Variants in KCNG1 observed in about 807,000 individuals in gnomAD.
The protein encoded by KCNG1 is voltage-gated potassium channel regulatory subunit KCNG1.
In KCNG1, 17 loss-of-function variants were observed where a neutral mutation model predicts 32.4. The ratio of observed to expected loss-of-function variants is 0.52; its 90% CI spans 0.36 to 0.79. The LOEUF (loss-of-function observed/expected upper bound fraction) is 0.79. Among genes scored for constraint, KCNG1 ranks in the 30% least tolerant of loss-of-function variants. KCNG1 has a pLI of 0.00. For synonymous variants in KCNG1, 358 were observed against 339.9 expected, an observed-to-expected ratio of 1.05 and a Z score of -0.59; for missense variants, 441 against 735.2, an observed-to-expected ratio of 0.60 and a Z score of 4.63.
Position 51,009,783 on chromosome 20 carries a change from C to G in KCNG1, c.556G>C (p.Asp186His). ...FAEMVEREEE[D>H]DALDSEGRDS... ...CGGCCCTCGCTGTCCAGCGCGTCGTCCTCTTCCTCCCGCTCCACCATCTCC... is the reference window on the plus strand; with the variant it reads ...CGGCCCTCGCTGTCCAGCGCGTCGTGCTCTTCCTCCCGCTCCACCATCTCC... Residue 186 changes from aspartate (D) to histidine (H), a missense_variant, in exon 2 of 3, where the codon GAC becomes CAC. By Grantham distance (81) the Asp-to-His change is moderately conservative. This residue lies in a region of KCNG1 where 52 missense variants were observed against 50.3 expected (regional missense o/e 1.03). Transcript: ENST00000371571. The G allele has an allele frequency of 1.2e-6, 2 of 1,611,880 alleles. No homozygotes were observed. Among genetic ancestry groups the G allele is most frequent in the African/African-American group, 1.3e-5 (1 of 75,056 alleles).
intron 2 of KCNG1, chr20:51,006,741 AG>A (rs1987842997): frequency 6.6e-6 from 1 of 152,296 alleles, no homozygotes; most frequent in South Asian, 2.1e-4. Flanking sequence ...CATGTTGGTC[AG>A]GCTGGTCTCG....
intron 1 of KCNG1, among the ~76,000 whole-genome samples, chr20:51,016,893 C>A (rs1002810526): frequency 2.6e-5 from 4 of 152,168 alleles, no homozygotes; most frequent in Non-Finnish European, 5.9e-5. Context: ...AGAGGGTATG[C>A]GGGCTGGCCT....
intron 1 of KCNG1, among the ~76,000 whole-genome samples, chr20:51,018,920 G>GT (rs1568806132): frequency 2.0e-5 from 3 of 152,300 alleles, no homozygotes; most frequent in East Asian, 3.9e-4. Flanking sequence ...CAGGGACTGG[G>GT]TTTCTAGTCT....
In KCNG1 at chr20:51,010,057, G is replaced by A. The variant is rs746695283; in HGVS notation, c.282C>T (p.Ala94=). The A allele has an allele frequency of 1.1e-5, 17 of 1,614,122 alleles. 1 individual carries two copies. The South Asian group carries it at 1.8e-4, about 17-fold the overall frequency. The change falls in exon 2 of 3, where the codon GCC becomes GCT. Residue 94 remains alanine, a synonymous_variant. Coordinates refer to ENST00000371571, the MANE Select transcript of KCNG1 (RefSeq NM_002237.4). Reference sequence around the variant, plus strand: ...TGAGGATGTCGTCGAAGTTGGTGCAGGCCTTGAGCTGGCCCAGGCGCGTCA... The same window carrying A: ...TGAGGATGTCGTCGAAGTTGGTGCAAGCCTTGAGCTGGCCCAGGCGCGTCA... ...FPLTRLGQLK[A]CTNFDDILNV...
At chr20:51,020,943 C>T (rs1292423939) in intron 1 of KCNG1, among the ~76,000 whole-genome samples, 1 of 152,196 alleles carries the variant, frequency 6.6e-6, no homozygotes, top group African/African-American at 2.4e-5. Flanking sequence ...GGCTCCAGGA[C>T]AAGCTTCGGG....
In KCNG1 at chr20:51,021,511, T is replaced by C. The variant is rs573897644; in HGVS notation, c.-27+1359A>G. On this transcript the variant is annotated intron_variant, in intron 1 of 2. Transcript: ENST00000371571. Reference sequence around the variant, plus strand: ...CATAGGGACTCTGCCATCATGGGTATGGGGGTATCAAACACACACTAATGA... The same window carrying C: ...CATAGGGACTCTGCCATCATGGGTACGGGGGTATCAAACACACACTAATGA... Among the ~76,000 whole-genome samples, 8 of 152,286 alleles carry C rather than the reference T, an allele frequency of 5.3e-5. No individual in the cohort carries two copies. The South Asian group carries it at 1.7e-3, about 32-fold the overall frequency.
chr20:51,003,906 T>C lies in KCNG1; in HGVS notation c.*133A>G. 2.1e-6 allele frequency: 2 copies of C among 953,684 alleles called. No individual in the cohort carries two copies. The highest frequency in any genetic ancestry group is 5.1e-5 in the Admixed American group (2 of 39,574). 59.1% of individuals were successfully genotyped at this position (953,684 alleles called of 1,614,324 possible). ...CGGGGTGTGGGAGTGAGGGTGTCCT[T>C]CCCCGGGTGCGTGGGAGTCGGTGCT... is the stretch of plus-strand genomic sequence containing the variant. On this transcript the variant is annotated 3_prime_UTR_variant, in exon 3 of 3. Coordinates refer to ENST00000371571, the MANE Select transcript of KCNG1 (RefSeq NM_002237.4).
chr20:51,011,439 C>T (rs1402575899), intron 1 of KCNG1, among the ~76,000 whole-genome samples: 1 of 152,008 alleles, frequency 6.6e-6, no homozygotes, highest in Admixed American at 6.5e-5. Flanking sequence ...GTGGCAATGC[C>T]TGGGAGCATT....
intron 1 of KCNG1, among the ~76,000 whole-genome samples, chr20:51,012,622 C>A (rs1252856500): frequency 6.6e-6 from 1 of 152,230 alleles, no homozygotes; most frequent in African/African-American, 2.4e-5. Flanking sequence ...GCTACTGGAA[C>A]AAGATTGCTT....
intron 1 of KCNG1, among the ~76,000 whole-genome samples, chr20:51,022,270 A>G (rs1988510383): frequency 6.6e-6 from 1 of 152,228 alleles, no homozygotes; most frequent in Admixed American, 6.5e-5. Flanking sequence ...CTCCGGGCTG[A>G]GCCTCTCTCC....
chr20:51,003,815 C>T lies in KCNG1; in HGVS notation c.*224G>A. ...GGGTGGGCGGGGCTGGGCTGATGAC[C>T]CAGCTTCCTTTCACGGCTGCAGGCG... is the stretch of plus-strand genomic sequence containing the variant. On this transcript the variant is annotated 3_prime_UTR_variant, in exon 3 of 3. Coordinates refer to ENST00000371571, the MANE Select transcript of KCNG1 (RefSeq NM_002237.4). 1 of 553,190 alleles carries T rather than the reference C, an allele frequency of 1.8e-6. No individual in the cohort carries two copies. The highest frequency in any genetic ancestry group is 3.2e-6 in the Non-Finnish European group (1 of 312,792). The allele number at this position is 553,190 out of a possible 1,614,324, so 34.3% of individuals were successfully genotyped here.
chr20:51,020,302 G>A (rs990574044), intron 1 of KCNG1, among the ~76,000 whole-genome samples: 1 of 152,114 alleles, frequency 6.6e-6, no homozygotes, highest in Non-Finnish European at 1.5e-5. Flanking sequence ...AAGCAGGCTT[G>A]GGGGAGCAGT....
intron 1 of KCNG1, among the ~76,000 whole-genome samples, chr20:51,017,105 A>G (rs1004590185): frequency 2.0e-5 from 3 of 152,220 alleles, no homozygotes; most frequent in Admixed American, 6.5e-5. Flanking sequence ...GAGAGTAACA[A>G]ACAAGGTACA....
At chr20:51,018,432 C>T (rs1988356082) in intron 1 of KCNG1, among the ~76,000 whole-genome samples, 1 of 152,188 alleles carries the variant, frequency 6.6e-6, no homozygotes, top group Non-Finnish European at 1.5e-5. Context: ...AATGGTTCTA[C>T]AGATGGTCCT....
At chr20:51,016,649 C>T (rs1342673884) in intron 1 of KCNG1, among the ~76,000 whole-genome samples, 1 of 152,282 alleles carries the variant, frequency 6.6e-6, no homozygotes, top group African/African-American at 2.4e-5. Context: ...TATAATGAGG[C>T]TACAAACAGC....
intron 1 of KCNG1, among the ~76,000 whole-genome samples, chr20:51,014,967 C>T (rs549490660): frequency 2.6e-5 from 4 of 151,804 alleles, no homozygotes; most frequent in Admixed American, 1.3e-4. Flanking sequence ...GAGCACAGAG[C>T]GAGGGGAAGC....
chr20:51,004,321 G>T lies in KCNG1; in HGVS notation c.1260C>A (p.Ile420=), dbSNP rs780897638. The T allele has an allele frequency of 6.2e-7, 1 of 1,613,840 alleles. No homozygotes were observed. Among genetic ancestry groups the T allele is most frequent in the South Asian group, 1.1e-5 (1 of 91,078 alleles). ...CGCCATAGCCCACCGTCGTCATGGT[G>T]ATGACAGCCCACCAGTAGCAGGCAG... ...SIPACYWWAV[I]TMTTVGYGDM... Residue 420 remains isoleucine (I), a synonymous_variant, in exon 3 of 3, where the codon ATC becomes ATA. Coordinates refer to ENST00000371571, the MANE Select transcript of KCNG1 (RefSeq NM_002237.4). This position sits in a 1 kb window ranked among gnomAD's most constrained non-coding sequence, Gnocchi z 4.3.
intron 1 of KCNG1, among the ~76,000 whole-genome samples, chr20:51,020,316 G>A (rs1413673726): frequency 6.6e-6 from 1 of 152,144 alleles, no homozygotes; most frequent in Non-Finnish European, 1.5e-5. Flanking sequence ...GAGCAGTGGG[G>A]ACCTCAGGAC....
At chr20:51,008,514 G>A (rs555839428) in intron 2 of KCNG1, among the ~76,000 whole-genome samples, 9 of 143,748 alleles carry the variant, frequency 6.3e-5, no homozygotes, top group Non-Finnish European at 1.1e-4. Context: ...TTTTTTTTCC[G>A]TAAAGACGGG....
Sources: allele counts gnomAD v4.1 joint callset (sites outside exome capture counted in the v4.1 genomes callset), GRCh38; gene constraint gnomAD v4.1.1; regional missense constraint gnomAD v4.1.1; non-coding constraint Gnocchi (gnomAD v3.1); transcripts MANE v1.5; gene names NCBI Gene and HGNC (gene_info 2026-07-23, HGNC 2026-07-21).